Variants in CORO2A observed in about 807,000 individuals in gnomAD.
CORO2A encodes the protein coronin 2A.
Under a neutral mutation model 62.4 loss-of-function variants are expected in CORO2A, and 47 were observed. That is an observed-to-expected ratio of 0.75 (90% confidence interval 0.60 to 0.96). CORO2A has a LOEUF of 0.96. CORO2A is among the 40% of genes least tolerant of loss of function. The pLI, the probability that CORO2A is intolerant of heterozygous loss-of-function variation, is 0.00. For synonymous variants in CORO2A, 273 were observed against 268.9 expected (o/e 1.02, Z -0.15); for missense variants, 610 against 684.1 (o/e 0.89, Z 1.21).
intron 2 of CORO2A, among the ~76,000 whole-genome samples, chr9:98,150,254 G>A (rs1248545371): frequency 1.3e-5 from 2 of 151,960 alleles, no homozygotes; most frequent in Non-Finnish European, 2.9e-5. Context: ...CAACCCTCCA[G>A]TGGCTTCCCA....
Position 98,124,322 on chromosome 9 carries a change from T to C in CORO2A, c.*452A>G. 6.6e-6 allele frequency: 1 copy of C among 152,202 alleles called. No individual in the cohort carries two copies. 9.4% of individuals were successfully genotyped at this position (152,202 alleles called of 1,614,324 possible). A position where few individuals can be genotyped will look rare whatever the true frequency, so the allele number is the denominator to read the frequency against. On this transcript the variant is annotated 3_prime_UTR_variant, in exon 12 of 12. Transcript: ENST00000375077. ...AGCCACTGCGCCTGGTGAGACTGGT[T>C]TCAAACTCCCGACCTCAAGCAATCC...
intron 2 of CORO2A, among the ~76,000 whole-genome samples, chr9:98,143,712 T>TG (rs1284801376): frequency 2.0e-5 from 3 of 152,194 alleles, no homozygotes; most frequent in African/African-American, 7.2e-5. Context: ...GTTTTATTGT[T>TG]GCTCAGTATG....
intron 1 of CORO2A, among the ~76,000 whole-genome samples, chr9:98,176,959 C>T (rs1208212291): frequency 6.6e-6 from 1 of 152,198 alleles, no homozygotes; most frequent in Non-Finnish European, 1.5e-5. Flanking sequence ...CAGTACCAAA[C>T]ATTTTTGTTC....
intron 1 of CORO2A, among the ~76,000 whole-genome samples, chr9:98,178,403 T>C (rs1160782853): frequency 1.3e-5 from 2 of 152,194 alleles, no homozygotes; most frequent in African/African-American, 4.8e-5. Flanking sequence ...TGCTAACAAG[T>C]CACAATTTTT....
At chr9:98,148,410 A>G (rs1827674222) in intron 2 of CORO2A, among the ~76,000 whole-genome samples, 1 of 146,690 alleles carries the variant, frequency 6.8e-6, no homozygotes, top group African/African-American at 2.5e-5. Context: ...AAAAAAAAAA[A>G]TAAGATAAAT....
intron 1 of CORO2A, among the ~76,000 whole-genome samples, chr9:98,187,282 CAAAAAAAAA>C (rs60290184): frequency 4.5e-5 from 3 of 66,532 alleles, no homozygotes; most frequent in Admixed American, 2.1e-4. Context: ...GACTCCATCT[CAAAAAAAAA>C]AAAAAAAAAA....
At chr9:98,134,980 G>A (rs1477615120) in intron 3 of CORO2A, 25 bp from the exon 4 acceptor site, 2 of 1,611,388 alleles carry the variant, frequency 1.2e-6, no homozygotes, top group African/African-American at 2.7e-5. Context: ...AGGGCCCAAG[G>A]CAGCATTAGC....
chr9:98,131,261 G>A (rs1056855125), intron 6 of CORO2A, among the ~76,000 whole-genome samples: 1 of 152,054 alleles, frequency 6.6e-6, no homozygotes, highest in Non-Finnish European at 1.5e-5. Flanking sequence ...CTCTAGTGGA[G>A]ATGACATCTT....
chr9:98,145,275 C>T (rs776431581), intron 2 of CORO2A, among the ~76,000 whole-genome samples: 2 of 152,158 alleles, frequency 1.3e-5, no homozygotes, highest in Non-Finnish European at 2.9e-5. Context: ...TTTCCTACTT[C>T]GAGCCCAGTG....
At chr9:98,189,620 T>C (rs1828280371) in intron 1 of CORO2A, among the ~76,000 whole-genome samples, 2 of 152,104 alleles carry the variant, frequency 1.3e-5, no homozygotes, top group South Asian at 4.1e-4. Flanking sequence ...TCTACCCCCA[T>C]TTCACAGATG....
At chr9:98,135,665 G>C (rs575542189) in intron 3 of CORO2A, among the ~76,000 whole-genome samples, 10 of 152,206 alleles carry the variant, frequency 6.6e-5, no homozygotes, top group Non-Finnish European at 1.3e-4. Context: ...GGATGCTGCT[G>C]ACTTGATCTT....
intron 2 of CORO2A, among the ~76,000 whole-genome samples, chr9:98,151,771 TC>T (rs1827726801): frequency 6.6e-6 from 1 of 151,516 alleles, no homozygotes; most frequent in African/African-American, 2.4e-5. Flanking sequence ...CAAGCAATTC[TC>T]CTGCCTCTGG....
At position 98,123,254 on chromosome 9, in the gene CORO2A, C is replaced by T. The variant is rs1019093549; in HGVS notation, c.*1520G>A. ...AGACCCAGAAAAGCAGGATCTCAGC[C>T]CAGCCCTGCCATGAAACAAATATCA... On this transcript the variant is annotated 3_prime_UTR_variant, in exon 12 of 12. Transcript: ENST00000375077. The T allele has an allele frequency of 7.2e-5, 11 of 152,242 alleles. No individual in the cohort carries two copies. Among genetic ancestry groups the T allele is most frequent in the Non-Finnish European group, 4.4e-5 (3 of 68,072 alleles). The allele number at this position is 152,242 out of a possible 1,614,324, so 9.4% of individuals were successfully genotyped here.
intron 2 of CORO2A, among the ~76,000 whole-genome samples, chr9:98,152,983 G>A (rs1387511438): frequency 6.6e-6 from 1 of 152,186 alleles, no homozygotes; most frequent in East Asian, 1.9e-4. Context: ...ATTATAATTA[G>A]CATTGAATCA....
chr9:98,173,483 G>A (rs913094544), intron 1 of CORO2A, among the ~76,000 whole-genome samples: 5 of 152,164 alleles, frequency 3.3e-5, no homozygotes, highest in African/African-American at 1.2e-4. Context: ...GGCTCCATGA[G>A]CACTCAACCA....
intron 1 of CORO2A, among the ~76,000 whole-genome samples, chr9:98,191,872 T>G (rs986928513): frequency 2.0e-5 from 3 of 152,200 alleles, no homozygotes; most frequent in East Asian, 3.9e-4. Context: ...CACCAGCACC[T>G]GGCCCGGGTG....
At chr9:98,161,382 C>T (rs1475650237) in intron 1 of CORO2A, among the ~76,000 whole-genome samples, 5 of 151,992 alleles carry the variant, frequency 3.3e-5, no homozygotes, top group African/African-American at 1.2e-4. Context: ...GGTGAAACCC[C>T]GTCTCTACTG....
chr9:98,163,212 G>T (rs1827909387), intron 1 of CORO2A, among the ~76,000 whole-genome samples: 1 of 152,194 alleles, frequency 6.6e-6, no homozygotes. Flanking sequence ...CTTTGAGACG[G>T]AGTCTCGCTC....
At chr9:98,184,954 T>C (rs947955906) in intron 1 of CORO2A, among the ~76,000 whole-genome samples, 9 of 152,214 alleles carry the variant, frequency 5.9e-5, no homozygotes, top group African/African-American at 2.2e-4. Context: ...CTTACTTTTA[T>C]CCAATTTAGA....
Sources: gnomAD v4.1 joint callset for allele counts (sites outside exome capture counted in the v4.1 genomes callset) on GRCh38, gnomAD v4.1.1 for gene constraint, MANE v1.5 for transcripts, NCBI Gene and HGNC (gene_info 2026-07-23, HGNC 2026-07-21) for gene names.